Variants in C10orf90 observed in about 807,000 individuals in gnomAD.
C10orf90 encodes the protein chromosome 10 open reading frame 90, also known as (E2-independent) E3 ubiquitin-conjugating enzyme FATS.
In C10orf90, 56 loss-of-function variants were observed where a neutral mutation model predicts 62.5. The observed-to-expected ratio is 0.90, with a 90% CI of 0.72 to 1.12. The LOEUF is 1.12. Among genes scored for constraint, C10orf90 ranks in the 50% most tolerant of loss-of-function variants. The pLI is 0.00. For synonymous variants in C10orf90, 386 were observed against 340.4 expected (o/e 1.13, Z -1.47); for missense variants, 970 against 880.4 (o/e 1.10, Z -1.29).
chr10:126,603,040 G>A (rs776393052), intron 2 of C10orf90, among the ~76,000 whole-genome samples: 1 of 151,864 alleles, frequency 6.6e-6, no homozygotes, highest in Non-Finnish European at 1.5e-5. Flanking sequence ...GAGAGAGGGA[G>A]TGGACAGGTG....
chr10:126,583,243 T>C (rs1370270277), intron 2 of C10orf90, among the ~76,000 whole-genome samples: 3 of 152,224 alleles, frequency 2.0e-5, no homozygotes, highest in African/African-American at 4.8e-5. Flanking sequence ...TATGTGCACA[T>C]ATGTGCTGTA....
At chr10:126,633,151 T>G (rs760318133) in intron 2 of C10orf90, among the ~76,000 whole-genome samples, 15 of 152,188 alleles carry the variant, frequency 9.9e-5, no homozygotes, top group Non-Finnish European at 2.1e-4. Flanking sequence ...TAAAACTGCC[T>G]GGAAGGGGGT....
At chr10:126,442,382 C>G (rs758525440) in intron 7 of C10orf90, among the ~76,000 whole-genome samples, 8 of 147,216 alleles carry the variant, frequency 5.4e-5, no homozygotes, top group Non-Finnish European at 1.2e-4. Context: ...ATATATACAT[C>G]TAACACTGGA....
At chr10:126,488,571 G>A (rs147732155) in intron 4 of C10orf90, among the ~76,000 whole-genome samples, 1 of 148,842 alleles carries the variant, frequency 6.7e-6, no homozygotes, top group Non-Finnish European at 1.5e-5. Flanking sequence ...AATAAAACCT[G>A]GATATTTGGG....
At chr10:126,449,187 C>T (rs1858999698) in intron 7 of C10orf90, among the ~76,000 whole-genome samples, 1 of 152,156 alleles carries the variant, frequency 6.6e-6, no homozygotes, top group African/African-American at 2.4e-5. Context: ...GACTTATTCA[C>T]CATGATCAAG....
At chr10:126,615,638 A>G (rs1845525639) in intron 2 of C10orf90, among the ~76,000 whole-genome samples, 1 of 152,258 alleles carries the variant, frequency 6.6e-6, no homozygotes, top group East Asian at 1.9e-4. Context: ...TATTCAGCAA[A>G]CATCTTTTTT....
intron 2 of C10orf90, chr10:126,520,363 G>A (rs1022587391): frequency 4.6e-5 from 7 of 151,628 alleles, no homozygotes; most frequent in African/African-American, 1.5e-4. Context: ...TTCTCCCCAA[G>A]AAAAGGTGCA....
At position 126,560,879 on chromosome 10, in the gene C10orf90, G is replaced by T. The variant is rs187922611; in HGVS notation, c.314-46940C>A. Among the ~76,000 whole-genome samples, 788 of 152,296 alleles carry T rather than the reference G, an allele frequency of 5.2e-3. 7 individuals are homozygous for T. Among genetic ancestry groups the T allele is most frequent in the African/African-American group, 0.016 (655 of 41,556 alleles). On this transcript the variant is annotated intron_variant, in intron 2 of 9. Coordinates refer to ENST00000488181, the MANE Select transcript of C10orf90 (RefSeq NM_001350921.2). ...TGTATAATTTTTGCATGGCATAAAA[G>T]ATTATGCTTCTTTTAATCCATTTTA...
chr10:126,474,000 AGT>A (rs1352615669), intron 4 of C10orf90, among the ~76,000 whole-genome samples: 2 of 152,208 alleles, frequency 1.3e-5, no homozygotes, highest in Admixed American at 6.5e-5. Context: ...TTGGTGGCAC[AGT>A]GACTTGCTAC....
chr10:126,496,192 TTAA>T (rs1339668690), intron 4 of C10orf90, among the ~76,000 whole-genome samples: 1 of 152,194 alleles, frequency 6.6e-6, no homozygotes, highest in Non-Finnish European at 1.5e-5. Context: ...AAATGGCCCA[TTAA>T]TAATGACTCT....
At chr10:126,607,576 G>T (rs935411845) in intron 2 of C10orf90, among the ~76,000 whole-genome samples, 5 of 152,090 alleles carry the variant, frequency 3.3e-5, no homozygotes, top group African/African-American at 4.8e-5. Flanking sequence ...CCTTTATCCT[G>T]ACAGATTCTC....
intron 2 of C10orf90, among the ~76,000 whole-genome samples, chr10:126,634,461 G>T (rs530523966): frequency 6.6e-6 from 1 of 152,264 alleles, no homozygotes; most frequent in South Asian, 2.1e-4. Flanking sequence ...GAGCTGGAAG[G>T]CAGGGAAACA....
chr10:126,616,211 C>T lies in C10orf90; in HGVS notation c.313+30354G>A, dbSNP rs183043582. Reference sequence around the variant, plus strand: ...ATAAACTGGTTCTGCAAATGTGCCTCCACATCCATCTGCCTCGTATTTATT... The same window carrying T: ...ATAAACTGGTTCTGCAAATGTGCCTTCACATCCATCTGCCTCGTATTTATT... On this transcript the variant is annotated intron_variant, in intron 2 of 9. Coordinates refer to ENST00000488181, the MANE Select transcript of C10orf90 (RefSeq NM_001350921.2). Among the ~76,000 whole-genome samples, 465 of 152,270 alleles carry T rather than the reference C, an allele frequency of 3.1e-3. 3 individuals are homozygous for T. The highest frequency in any genetic ancestry group is 4.5e-3 in the Non-Finnish European group (306 of 68,030).
intron 1 of C10orf90, among the ~76,000 whole-genome samples, chr10:126,669,687 T>C (rs1275799025): frequency 7.2e-6 from 1 of 139,594 alleles, no homozygotes; most frequent in Non-Finnish European, 1.5e-5. Context: ...ATCTCCAAAG[T>C]TCTCTCACTC....
intron 2 of C10orf90, among the ~76,000 whole-genome samples, chr10:126,539,520 G>T (rs4962573): frequency 0.65 from 99,247 of 152,012 alleles, 33,398 homozygotes; most frequent in African/African-American, 0.82. Context: ...ATGCATTTTA[G>T]TGATTCTTCT....
chr10:126,597,338 A>G (rs1845107856), intron 2 of C10orf90, among the ~76,000 whole-genome samples: 1 of 152,248 alleles, frequency 6.6e-6, no homozygotes, highest in Non-Finnish European at 1.5e-5. Context: ...ATGAATGGAT[A>G]TTCCAGGCAG....
rs188730400 is a variant in C10orf90, at chr10:126,548,217, A to G, written c.314-34278T>C. Among the ~76,000 whole-genome samples, 14 of 152,334 alleles carry G rather than the reference A, an allele frequency of 9.2e-5. No homozygotes were observed. In the East Asian group the frequency reaches 2.3e-3, roughly 25 times the overall value. ...CTTTAAAAATTTGTATTGAAATTCA[A>G]TGTAACTAGAATAACAAAAATAATT... is the stretch of plus-strand genomic sequence containing the variant. On this transcript the variant is annotated intron_variant, in intron 2 of 9. Transcript: ENST00000488181.
At chr10:126,491,220 A>T (rs1230967106) in intron 4 of C10orf90, among the ~76,000 whole-genome samples, 1 of 152,246 alleles carries the variant, frequency 6.6e-6, no homozygotes, top group Non-Finnish European at 1.5e-5. Flanking sequence ...TGAGTGAAAG[A>T]AATCATACAC....
intron 1 of C10orf90, among the ~76,000 whole-genome samples, chr10:126,666,584 T>G (rs1353851720): frequency 6.6e-6 from 1 of 152,098 alleles, no homozygotes; most frequent in Non-Finnish European, 1.5e-5. Context: ...ACCTGGTAAG[T>G]GTTCTTCCTT....
Sources: allele counts gnomAD v4.1 joint callset (sites outside exome capture counted in the v4.1 genomes callset), GRCh38; gene constraint gnomAD v4.1.1; transcripts MANE v1.5; gene names NCBI Gene and HGNC (gene_info 2026-07-23, HGNC 2026-07-21).